Variants in CD2AP observed in about 807,000 individuals in gnomAD.
CD2AP encodes the protein CD2 associated protein.
In CD2AP, 46 loss-of-function variants were observed where a neutral mutation model predicts 85.1. The ratio of observed to expected loss-of-function variants is 0.54; its 90% CI spans 0.43 to 0.69. CD2AP has a LOEUF of 0.69. Among genes scored for constraint, CD2AP ranks in the 30% least tolerant of loss-of-function variants. The pLI is 0.00. For synonymous variants in CD2AP, 255 were observed against 252.9 expected (o/e 1.01, Z -0.08); for missense variants, 769 against 729.5 (o/e 1.05, Z -0.62).
chr6:47,581,476 C>T (rs954118246), intron 10 of CD2AP, among the ~76,000 whole-genome samples: 2 of 151,834 alleles, frequency 1.3e-5, no homozygotes, highest in Admixed American at 1.3e-4. Flanking sequence ...GTCTTTTTGT[C>T]GCCCTTGGTT....
chr6:47,559,402 G>A (rs1767790232), intron 5 of CD2AP, among the ~76,000 whole-genome samples: 1 of 151,708 alleles, frequency 6.6e-6, no homozygotes, highest in Admixed American at 6.6e-5. Context: ...GGGACTGTAG[G>A]TATGCATCAT....
intron 1 of CD2AP, among the ~76,000 whole-genome samples, chr6:47,479,181 G>T (rs1302000743): frequency 6.6e-6 from 1 of 152,204 alleles, no homozygotes; most frequent in Non-Finnish European, 1.5e-5. Flanking sequence ...AACGTGTTCT[G>T]TAAGAGTAAA....
intron 6 of CD2AP, among the ~76,000 whole-genome samples, chr6:47,576,100 G>A (rs1261328673): frequency 2.0e-5 from 3 of 151,966 alleles, no homozygotes; most frequent in East Asian, 1.9e-4. Flanking sequence ...TTAGAGATAG[G>A]GTCTCACCAT....
At chr6:47,504,658 G>A (rs962511353) in intron 2 of CD2AP, among the ~76,000 whole-genome samples, 9 of 150,372 alleles carry the variant, frequency 6.0e-5, no homozygotes, top group African/African-American at 2.0e-4. Flanking sequence ...AGGGCCGACT[G>A]TATTTTATTC....
In CD2AP at chr6:47,503,266, TCC is replaced by T. The variant is rs770750324; in HGVS notation, c.5-10_5-9del. ...ATTAGATTTTAGACATTTCGTTTTTTCCCCCTTTTTTAGTTGACTATATTGTG... is the reference window on the plus strand; with the variant it reads ...ATTAGATTTTAGACATTTCGTTTTTTCCCTTTTTTAGTTGACTATATTGTG... On this transcript the variant is annotated splice_polypyrimidine_tract_variant and intron_variant, in intron 1 of 17. Coordinates refer to ENST00000359314, the MANE Select transcript of CD2AP (RefSeq NM_012120.3). 26 of 1,612,296 alleles carry T rather than the reference TCC, an allele frequency of 1.6e-5. No individual in the cohort carries two copies. The highest frequency in any genetic ancestry group is 2.2e-5 in the Non-Finnish European group (26 of 1,178,660).
rs565617175 is a variant in CD2AP at position 47,592,051 on chromosome 6, G to T, written c.1109-3810G>T. 4.6e-5 allele frequency among the ~76,000 whole-genome samples: 7 copies of T among 152,076 alleles called. No individual in the cohort carries two copies. In the East Asian group the frequency reaches 1.4e-3, roughly 29 times the overall value. ...GGGTATTGATTTGTTGCCCAGGCTT[G>T]TCATGAACTCCTGGCTTCAAGCGAT... is the stretch of plus-strand genomic sequence containing the variant. On this transcript the variant is annotated intron_variant, in intron 11 of 17. Coordinates refer to ENST00000359314, the MANE Select transcript of CD2AP (RefSeq NM_012120.3).
In CD2AP at chr6:47,596,009, A is replaced by T. The variant is rs1489002001; in HGVS notation, c.1257A>T (p.Pro419=). The T allele has an allele frequency of 6.2e-7, 1 of 1,612,138 alleles. No homozygotes were observed. The highest frequency in any genetic ancestry group is 1.1e-5 in the South Asian group (1 of 91,032). ...AGCGACCTGAAAAACCAGTTCCTCC[A>T]CCACCTCCTATAGCCAAGTAAGTTT... ...YPKRPEKPVP[P]PPPIAKINGE... is the part of the protein sequence containing the mutation. Residue 419 remains proline, a synonymous_variant, in exon 12 of 18, where the codon CCA becomes CCT. Transcript: ENST00000359314.
At chr6:47,545,491 T>C (rs1213286618) in intron 4 of CD2AP, among the ~76,000 whole-genome samples, 2 of 152,142 alleles carry the variant, frequency 1.3e-5, no homozygotes, top group Admixed American at 6.5e-5. Context: ...TTCCTCCCCA[T>C]ACTACATAGC....
At chr6:47,573,261 T>C (rs1768204905) in intron 5 of CD2AP, among the ~76,000 whole-genome samples, 1 of 152,166 alleles carries the variant, frequency 6.6e-6, no homozygotes, top group African/African-American at 2.4e-5. Flanking sequence ...TTGACTGCTT[T>C]GAAATTAGAC....
Position 47,595,896 on chromosome 6 carries a change from C to T in CD2AP, c.1144C>T (p.Pro382Ser). 6.2e-7 allele frequency: 1 copy of T among 1,612,798 alleles called. No homozygotes were observed. Among genetic ancestry groups the T allele is most frequent in the Non-Finnish European group, 8.5e-7 (1 of 1,179,096 alleles). The change falls in exon 12 of 18, where the codon CCA becomes TCA. Residue 382 changes from proline (P) to serine (S), a missense_variant. Coordinates refer to ENST00000359314, the MANE Select transcript of CD2AP (RefSeq NM_012120.3). ...AACACTGGAACAGAAACCTTCTAAA[C>T]CAGCAGCTCCACAAGTCCCACCCAA... ...KSTLEQKPSKPAAPQVPPKKP... is the reference protein window; with the variant it reads ...KSTLEQKPSKSAAPQVPPKKP...
At chr6:47,530,849 A>T (rs1356242638) in intron 2 of CD2AP, among the ~76,000 whole-genome samples, 1 of 152,208 alleles carries the variant, frequency 6.6e-6, no homozygotes, top group Non-Finnish European at 1.5e-5. Context: ...TTCATTAAGG[A>T]ATAGTATTCA....
At chr6:47,556,166 C>T (rs1582554458) in intron 5 of CD2AP, among the ~76,000 whole-genome samples, 1 of 150,948 alleles carries the variant, frequency 6.6e-6, no homozygotes, top group African/African-American at 2.4e-5. Context: ...ATCAACCCGT[C>T]ATCTACATTA....
At chr6:47,511,319 C>T (rs1432942920) in intron 2 of CD2AP, among the ~76,000 whole-genome samples, 1 of 152,076 alleles carries the variant, frequency 6.6e-6, no homozygotes, top group African/African-American at 2.4e-5. Flanking sequence ...TACAAAATAC[C>T]TGACCAGTAC....
At chr6:47,516,670 A>T (rs1766460384) in intron 2 of CD2AP, among the ~76,000 whole-genome samples, 2 of 152,204 alleles carry the variant, frequency 1.3e-5, no homozygotes, top group South Asian at 4.1e-4. Flanking sequence ...ATGACACCAG[A>T]TAAAATAAAT....
chr6:47,607,963 A>G lies in CD2AP; in HGVS notation c.1567A>G (p.Lys523Glu), dbSNP rs1562054766. 6.2e-7 allele frequency: 1 copy of G among 1,612,954 alleles called. No individual in the cohort carries two copies. ...HSPEKILKLP[K>E]EEDSANLKPS... ...CCCCGAAAAAATCTTGAAGTTACCA[A>G]AAGAAGAAGACAGTGCCAACCTGAA... The change falls in exon 15 of 18, where the codon AAA becomes GAA. Residue 523 changes from lysine to glutamate, a missense_variant. Physicochemically the swap from Lys to Glu is moderately conservative, Grantham distance 56 (BLOSUM62 1). Transcript: ENST00000359314.
At chr6:47,548,789 A>G (rs1767436759) in intron 4 of CD2AP, among the ~76,000 whole-genome samples, 1 of 152,204 alleles carries the variant, frequency 6.6e-6, no homozygotes, top group African/African-American at 2.4e-5. Context: ...ATGAATATAG[A>G]TGCTAAAATC....
chr6:47,531,899 T>A (rs1317323012), intron 2 of CD2AP, among the ~76,000 whole-genome samples: 1 of 151,668 alleles, frequency 6.6e-6, no homozygotes, highest in Non-Finnish European at 1.5e-5. Flanking sequence ...ATGGTGAAAC[T>A]CCGTCTCTAC....
intron 4 of CD2AP, among the ~76,000 whole-genome samples, chr6:47,553,513 ATTTTTT>A (rs148273065): frequency 0.33 from 36,389 of 111,238 alleles, 5,433 homozygotes; most frequent in Middle Eastern, 0.5. Flanking sequence ...CACCTAGTGA[ATTTTTT>A]TTTTTTTTTT....
chr6:47,560,524 A>T (rs887255475), intron 5 of CD2AP, among the ~76,000 whole-genome samples: 3 of 151,928 alleles, frequency 2.0e-5, no homozygotes, highest in Non-Finnish European at 4.4e-5. Flanking sequence ...TGAAGAGTTT[A>T]GGCTGATTAT....
Sources: allele counts gnomAD v4.1 joint callset (sites outside exome capture counted in the v4.1 genomes callset), GRCh38; gene constraint gnomAD v4.1.1; transcripts MANE v1.5; gene names NCBI Gene and HGNC (gene_info 2026-07-23, HGNC 2026-07-21).